UGT1A10: variants seen among roughly 807,000 people sequenced by gnomAD.
UGT1A10 encodes UDP-glucuronosyltransferase 1A10.
UGT1A10 carries 49 observed loss-of-function variants against 45.8 expected under a neutral mutation model. The ratio of observed to expected loss-of-function variants is 1.07; its 90% CI spans 0.85 to 1.36. The LOEUF (loss-of-function observed/expected upper bound fraction) is 1.36, where lower values mean the gene tolerates loss of function less well. UGT1A10 is among the 40% of genes most tolerant of loss of function. The pLI is 0.00. For synonymous variants in UGT1A10, 284 were observed against 249.7 expected, an observed-to-expected ratio of 1.14 and a Z score of -1.29; for missense variants, 745 against 668.6, an observed-to-expected ratio of 1.11 and a Z score of -1.26.
intron 1 of UGT1A10, chr2:233,649,119 G>C: frequency 1.4e-6 from 1 of 726,056 alleles, no homozygotes; most frequent in Non-Finnish European, 1.9e-6. Context: ...ATTTGTGTTT[G>C]TTGCATCTAA....
intron 1 of UGT1A10, chr2:233,743,584 G>A: frequency 7.3e-7 from 1 of 1,367,326 alleles, no homozygotes; most frequent in Non-Finnish European, 9.8e-7. Flanking sequence ...AGAGGTCAAA[G>A]GAGAATGGGT....
chr2:233,712,867 C>T lies in UGT1A10; in HGVS notation c.856-54167C>T, dbSNP rs535442696. ...CGGGTAATAAGTAACTGGAGGAGGG[C>T]ACTCTGTCTTCAATTACATGTTGAT... On this transcript the variant is annotated intron_variant, in intron 1 of 4. Transcript: ENST00000344644. 1.4e-5 allele frequency: 22 copies of T among 1,575,314 alleles called. No individual in the cohort carries two copies. The African/African-American group carries it at 2.4e-4, about 17-fold the overall frequency.
At chr2:233,678,190 G>A (rs2074411420) in intron 1 of UGT1A10, among the ~76,000 whole-genome samples, 1 of 152,190 alleles carries the variant, frequency 6.6e-6, no homozygotes, top group Admixed American at 6.5e-5. Flanking sequence ...GGCTGCAAGA[G>A]TTGAAAAACT....
intron 1 of UGT1A10, among the ~76,000 whole-genome samples, chr2:233,663,664 T>A (rs1443406314): frequency 6.6e-6 from 1 of 152,124 alleles, no homozygotes; most frequent in African/African-American, 2.4e-5. Flanking sequence ...AAGAAGGAGG[T>A]CTGCTTTGAG....
chr2:233,715,759 G>A (rs893076228), intron 1 of UGT1A10, among the ~76,000 whole-genome samples: 9 of 152,150 alleles, frequency 5.9e-5, no homozygotes, highest in South Asian at 2.1e-4. Context: ...GTGACAGAGC[G>A]AGGACCCATC....
Position 233,730,035 on chromosome 2 carries a change from A to T in UGT1A10, c.856-36999A>T, listed in dbSNP as rs45599733. The T allele has an allele frequency of 1.0e-3, 1,658 of 1,613,028 alleles. 11 individuals are homozygous for T. In the African/African-American group the frequency reaches 0.02, roughly 19 times the overall value. ...TCATCCAATCAATGTTCCAGGCAAA[A>T]CACTTTTTAAAAAAATGTATTTATT... is the stretch of plus-strand genomic sequence containing the variant. On this transcript the variant is annotated intron_variant, in intron 1 of 4. Transcript: ENST00000344644.
intron 1 of UGT1A10, among the ~76,000 whole-genome samples, chr2:233,657,638 G>A (rs2125484158): frequency 6.6e-6 from 1 of 152,324 alleles, no homozygotes; most frequent in African/African-American, 2.4e-5. Context: ...CACTTGACTT[G>A]AGGGAGTCAG....
intron 1 of UGT1A10, chr2:233,748,124 G>C (rs1575688214): frequency 9.9e-6 from 16 of 1,610,630 alleles, no homozygotes; most frequent in Non-Finnish European, 1.3e-5. Flanking sequence ...AGGCAAAACA[G>C]TTTTTAAAAA....
At chr2:233,680,025 T>C (rs2074471699) in intron 1 of UGT1A10, among the ~76,000 whole-genome samples, 1 of 152,138 alleles carries the variant, frequency 6.6e-6, no homozygotes. Context: ...CTCTCTCTCT[T>C]TTTTCTTTTT....
intron 1 of UGT1A10, among the ~76,000 whole-genome samples, chr2:233,761,633 C>A (rs1697819960): frequency 6.6e-6 from 1 of 152,236 alleles, no homozygotes; most frequent in Non-Finnish European, 1.5e-5. Context: ...CTAAATCCTG[C>A]AGTCCGTTCT....
In UGT1A10 at chr2:233,687,337, T is replaced by C. The variant is rs573612670; in HGVS notation, c.855+49960T>C. ...CTTGATGCAAGTTTCCCTTGAATGA[T>C]TTAAACTTCAGATGGGTGGACTGTC... On this transcript the variant is annotated intron_variant, in intron 1 of 4. Transcript: ENST00000344644. 2.0e-5 allele frequency among the ~76,000 whole-genome samples: 3 copies of C among 152,222 alleles called. No homozygotes were observed. In the East Asian group the frequency reaches 5.8e-4, roughly 29 times the overall value.
At chr2:233,690,514 T>A in intron 1 of UGT1A10, 3 of 1,289,746 alleles carry the variant, frequency 2.3e-6, no homozygotes, top group Non-Finnish European at 3.0e-6. Flanking sequence ...ATTTGTTTTA[T>A]CTTAGGATCT....
chr2:233,708,424 T>A (rs1288972358), intron 1 of UGT1A10: 2 of 152,202 alleles, frequency 1.3e-5, no homozygotes, highest in African/African-American at 4.8e-5. Context: ...CCAGTGAAGA[T>A]AAGAACTGGT....
intron 1 of UGT1A10, among the ~76,000 whole-genome samples, chr2:233,753,860 A>G (rs1273913066): frequency 1.3e-5 from 2 of 152,194 alleles, no homozygotes; most frequent in Non-Finnish European, 2.9e-5. Flanking sequence ...CCAACCACAT[A>G]ACCCCAAGGT....
rs1174769439 is a variant in UGT1A10, at chr2:233,773,222, A to G, written c.*663A>G. On this transcript the variant is annotated 3_prime_UTR_variant, in exon 5 of 5. Coordinates refer to ENST00000344644, the MANE Select transcript of UGT1A10 (RefSeq NM_019075.4). ...TTTGATAAAAACCCAAAATACAGCTATGAAGTGCTGGGCAAGTTTACTTTT... is the reference window on the plus strand; with the variant it reads ...TTTGATAAAAACCCAAAATACAGCTGTGAAGTGCTGGGCAAGTTTACTTTT... 2 of 152,386 alleles carry G rather than the reference A, an allele frequency of 1.3e-5. No homozygotes were observed. Among genetic ancestry groups the G allele is most frequent in the African/African-American group, 4.8e-5 (2 of 41,470 alleles). 9.4% of individuals were successfully genotyped at this position (152,386 alleles called of 1,614,324 possible).
At position 233,759,475 on chromosome 2, in the gene UGT1A10, C is replaced by T. The variant is rs1697147555; in HGVS notation, c.856-7559C>T. Among the ~76,000 whole-genome samples, 2 of 152,182 alleles carry T rather than the reference C, an allele frequency of 1.3e-5. 1 individual carries two copies. The highest frequency in any genetic ancestry group is 2.9e-5 in the Non-Finnish European group (2 of 68,032). ...AGTTAGCCACTCAAGATCTATCTTA[C>T]AGGACTGGCTCTTTCAGGTTCACAC... is the stretch of plus-strand genomic sequence containing the variant. On this transcript the variant is annotated intron_variant, in intron 1 of 4. Coordinates refer to ENST00000344644, the MANE Select transcript of UGT1A10 (RefSeq NM_019075.4).
At chr2:233,748,647 C>A (rs1378497880) in intron 1 of UGT1A10, among the ~76,000 whole-genome samples, 4 of 151,722 alleles carry the variant, frequency 2.6e-5, no homozygotes, top group African/African-American at 9.7e-5. Flanking sequence ...GAATTACACA[C>A]TGAGTTCAGT....
At position 233,637,239 on chromosome 2, in the gene UGT1A10, C is replaced by T; in HGVS notation, c.717C>T (p.Val239=). The change falls in exon 1 of 5, where the codon GTC becomes GTT. Residue 239 remains valine, a synonymous_variant. Transcript: ENST00000344644. The part of the protein sequence containing the change: ...EIASEILQTP[V]TAYDLYSHTS... ...CCTCTGAAATTCTCCAAACCCCTGT[C>T]ACGGCATATGATCTCTACAGTCACA... is the stretch of plus-strand genomic sequence containing the variant. 11 of 1,613,960 alleles carry T rather than the reference C, an allele frequency of 6.8e-6. No individual in the cohort carries two copies. The highest frequency in any genetic ancestry group is 9.3e-6 in the Non-Finnish European group (11 of 1,179,858).
intron 1 of UGT1A10, chr2:233,729,503 G>T: frequency 1.2e-6 from 2 of 1,614,172 alleles, no homozygotes; most frequent in Non-Finnish European, 1.7e-6. Context: ...GTCTATCATA[G>T]GTCTTGTGTG....
Sources: allele counts gnomAD v4.1 joint callset (sites outside exome capture counted in the v4.1 genomes callset), GRCh38; gene constraint gnomAD v4.1.1; transcripts MANE v1.5; gene names NCBI Gene and HGNC (gene_info 2026-07-23, HGNC 2026-07-21).